The following AMY2B variants were observed in gnomAD, a reference collection of about 807,000 sequenced individuals.
AMY2B encodes the protein amylase alpha 2B.
AMY2B carries 63 observed loss-of-function variants against 59.3 expected under a neutral mutation model. The observed-to-expected ratio is 1.06, with a 90% CI of 0.87 to 1.31. AMY2B has a LOEUF of 1.31. Among genes scored for constraint, AMY2B ranks in the 50% most tolerant of loss-of-function variants. AMY2B has a pLI of 0.00. For synonymous variants in AMY2B, 180 were observed against 198.1 expected, an observed-to-expected ratio of 0.91 and a Z score of 0.77; for missense variants, 635 against 626.7, an observed-to-expected ratio of 1.01 and a Z score of -0.14.
Position 103,572,117 on chromosome 1 carries a change from C to T in AMY2B, c.176C>T (p.Pro59Leu). 6.2e-7 allele frequency: 1 copy of T among 1,611,576 alleles called. No homozygotes were observed. Among genetic ancestry groups the T allele is most frequent in the Non-Finnish European group, 8.5e-7 (1 of 1,179,654 alleles). ...AGACTGTTTAATTTGTAGGTCTCTC[C>T]ACCAAATGAAAATGTTGCAATTCAC... ...PKGFGGVQVS[P>L]PNENVAIHNP... is the part of the protein sequence containing the mutation. Residue 59 changes from proline to leucine, a missense_variant, in exon 2 of 10, where the codon CCA becomes CTA. Physicochemically the swap from Pro to Leu is moderately conservative, Grantham distance 98. Coordinates refer to ENST00000684275, the MANE Select transcript of AMY2B (RefSeq NM_001387437.1).
intron 8 of AMY2B, 41 bp downstream of exon 8, chr1:103,577,649 T>C (rs368873855): frequency 2.5e-6 from 4 of 1,611,752 alleles, no homozygotes; most frequent in Non-Finnish European, 3.4e-6. Flanking sequence ...ATAGTAAACT[T>C]TCCATTGCAT....
rs2101079996 is a variant in AMY2B at position 103,577,751 on chromosome 1, G to T, written c.1252G>T (p.Gly418Cys). ...GGTTAATTTCCGCAATGTAGTGGAT[G>T]GCCAGCCTTTTACAAACTGGTATGA... is the stretch of plus-strand genomic sequence containing the variant. Reference protein sequence around the residue: ...NMVNFRNVVDGQPFTNWYDNG... With the variant: ...NMVNFRNVVDCQPFTNWYDNG... The change falls in exon 9 of 10, where the codon GGC (glycine) becomes TGC (cysteine). Residue 418 changes from glycine (G) to cysteine (C), a missense_variant. Physicochemically the swap from Gly to Cys is radical, Grantham distance 159 (BLOSUM62 -3). Coordinates refer to ENST00000684275, the MANE Select transcript of AMY2B (RefSeq NM_001387437.1). The T allele has an allele frequency of 6.2e-7, 1 of 1,610,472 alleles. No individual in the cohort carries two copies. The highest frequency in any genetic ancestry group is 8.5e-7 in the Non-Finnish European group (1 of 1,179,782).
At chr1:103,556,984 CCT>C (rs766553037) in intron 1 of AMY2B, among the ~76,000 whole-genome samples, 18 of 152,132 alleles carry the variant, frequency 1.2e-4, no homozygotes, top group Non-Finnish European at 2.5e-4. Context: ...GAGCTAACCC[CCT>C]GTGTCAGACA....
chr1:103,574,973 A>G (rs567230575), intron 5 of AMY2B, among the ~76,000 whole-genome samples: 2 of 150,994 alleles, frequency 1.3e-5, no homozygotes, highest in South Asian at 4.2e-4. Context: ...GTATATACGA[A>G]TATAGACTAC....
intron 1 of AMY2B, among the ~76,000 whole-genome samples, chr1:103,557,150 G>GCGCACA (rs775182050): frequency 2.0e-5 from 3 of 148,204 alleles, no homozygotes; most frequent in South Asian, 2.2e-4. Flanking sequence ...GTGCGCGCGC[G>GCGCACA]CACACACACA....
chr1:103,566,067 C>T (rs1228627941), intron 2 of AMY2B, among the ~76,000 whole-genome samples: 1 of 152,112 alleles, frequency 6.6e-6, no homozygotes, highest in African/African-American at 2.4e-5. Context: ...GTTTCTAAAA[C>T]ACTGTATTGA....
In AMY2B at chr1:103,575,447, TA is replaced by T. The variant is rs1557771301; in HGVS notation, c.1012del (p.Met338TrpfsTer16). On this transcript the variant is annotated frameshift_variant, in exon 7 of 10. Transcript: ENST00000684275. LOFTEE classifies it high-confidence loss of function. ...ATAATTATGTAACTTTCAGGCTGTA[TA>T]AAATGGCAGTTGGATTTATGCTTGC... is the stretch of plus-strand genomic sequence containing the variant. ...ILTFWDARLY[K>X]MAVGFMLAHP... 6.2e-7 allele frequency: 1 copy of T among 1,613,610 alleles called. No individual in the cohort carries two copies. Among genetic ancestry groups the T allele is most frequent in the East Asian group, 2.2e-5 (1 of 44,850 alleles).
upstream of AMY2B, among the ~76,000 whole-genome samples, chr1:103,567,266 G>T (rs942085521): frequency 1.3e-5 from 2 of 152,090 alleles, no homozygotes; most frequent in South Asian, 4.2e-4. Flanking sequence ...ATTCATGAAG[G>T]TATGATATTT....
chr1:103,564,198 A>C lies in AMY2B; in HGVS notation c.-206-1237A>C, dbSNP rs1229831003. On this transcript the variant is annotated intron_variant, in intron 1 of 11. Transcript: ENST00000361355. The stretch of plus-strand genomic sequence containing the variant: ...GTAAACATTACTTTTTCTAGTTAAT[A>C]GATACATTTAGAGAAGTTATTTTCC... Among the ~76,000 whole-genome samples the C allele has an allele frequency of 2.0e-5, 3 of 152,170 alleles. No homozygotes were observed. In the East Asian group the frequency reaches 5.8e-4, roughly 29 times the overall value.
chr1:103,577,930 T>A, intron 9 of AMY2B, 85 bp downstream of exon 9: 1 of 1,575,526 alleles, frequency 6.3e-7, no homozygotes, highest in Non-Finnish European at 8.5e-7. Context: ...ACATTTATCA[T>A]ATCTGAAAAA....
At chr1:103,570,066 T>C (rs1420251495), upstream of AMY2B, 16 of 437,150 alleles carry the variant, frequency 3.7e-5, no homozygotes, top group Non-Finnish European at 6.9e-5. Flanking sequence ...ACGCCCTCCC[T>C]GACACCATTC....
upstream of AMY2B, chr1:103,569,449 TA>T: frequency 4.5e-6 from 1 of 224,270 alleles, no homozygotes; most frequent in Non-Finnish European, 9.0e-6. Context: ...GCCAGAGGTT[TA>T]AAAAGGTTAA....
Position 103,575,462 on chromosome 1 carries a change from A to C in AMY2B, c.1023A>C (p.Gly341=). The C allele has an allele frequency of 6.2e-7, 1 of 1,613,510 alleles. No individual in the cohort carries two copies. The highest frequency in any genetic ancestry group is 2.2e-5 in the East Asian group (1 of 44,860). Residue 341 remains glycine, a synonymous_variant, in exon 7 of 10, where the codon GGA becomes GGC. Coordinates refer to ENST00000684275, the MANE Select transcript of AMY2B (RefSeq NM_001387437.1). ...WDARLYKMAV[G]FMLAHPYGFT... ...TCAGGCTGTATAAAATGGCAGTTGG[A>C]TTTATGCTTGCTCATCCTTATGGTT...
chr1:103,578,366 G>A (rs1652445167), intron 9 of AMY2B, among the ~76,000 whole-genome samples: 1 of 152,024 alleles, frequency 6.6e-6, no homozygotes, highest in Admixed American at 6.6e-5. Flanking sequence ...TGTATCTTGT[G>A]GTTAATGATT....
chr1:103,576,253 C>T (rs1652348887), intron 7 of AMY2B, among the ~76,000 whole-genome samples: 1 of 152,132 alleles, frequency 6.6e-6, no homozygotes, highest in Admixed American at 6.6e-5. Context: ...GAAATTCCTC[C>T]TTCCTCTGAG....
intron 1 of AMY2B, among the ~76,000 whole-genome samples, chr1:103,563,706 T>TA (rs985098519): frequency 3.3e-5 from 5 of 152,104 alleles, no homozygotes; most frequent in South Asian, 2.1e-4. Flanking sequence ...CCTTTTTTTT[T>TA]ACCAACATTC....
chr1:103,570,501 AC>A (rs1392606940), upstream of AMY2B: 10 of 642,060 alleles, frequency 1.6e-5, no homozygotes, highest in African/African-American at 1.5e-4. Flanking sequence ...GGAGATCACC[AC>A]CCGGGCACCT....
chr1:103,560,664 A>T (rs1264373445), intron 1 of AMY2B, among the ~76,000 whole-genome samples: 2 of 152,158 alleles, frequency 1.3e-5, no homozygotes, highest in Non-Finnish European at 2.9e-5. Flanking sequence ...GTGACCTTAG[A>T]ATACTTGAAC....
Position 103,577,401 on chromosome 1 carries a change from A to C in AMY2B, c.1102-89A>C, listed in dbSNP as rs940974760. On this transcript the variant is annotated intron_variant, in intron 7 of 9. Coordinates refer to ENST00000684275, the MANE Select transcript of AMY2B (RefSeq NM_001387437.1). ...TAAAGTCATTGAATGCAGAGACACA[A>C]GTAACAGGATAGGTTGGGTTTGGTT... 4 of 1,601,618 alleles carry C rather than the reference A, an allele frequency of 2.5e-6. No homozygotes were observed. The African/African-American group carries it at 5.4e-5, about 22-fold the overall frequency.
Sources: allele counts gnomAD v4.1 joint callset (sites outside exome capture counted in the v4.1 genomes callset), GRCh38; gene constraint gnomAD v4.1.1; transcripts MANE v1.5; gene names NCBI Gene and HGNC (gene_info 2026-07-23, HGNC 2026-07-21).